The following USP47 variants were observed in gnomAD, a reference collection of about 807,000 sequenced individuals.
USP47 encodes ubiquitin specific peptidase 47, also known as ubiquitin carboxyl-terminal hydrolase 47.
In USP47, 35 loss-of-function variants were observed where a neutral mutation model predicts 165.1. That is an observed-to-expected ratio of 0.21 (90% CI 0.16 to 0.28). USP47 has a LOEUF of 0.28. Among genes scored for constraint, USP47 ranks in the 10% least tolerant of loss-of-function variants. USP47 has a pLI of 1.00. For synonymous variants in USP47, 531 were observed against 544.5 expected (o/e 0.98, Z 0.35); for missense variants, 1,277 against 1,607.4 (o/e 0.79, Z 3.52).
intron 11 of USP47, among the ~76,000 whole-genome samples, chr11:11,927,868 T>C (rs1668729794): frequency 6.6e-6 from 1 of 152,112 alleles, no homozygotes; most frequent in African/African-American, 2.4e-5. Context: ...TTCCTACTTT[T>C]TGGCAATGTA....
chr11:11,932,052 G>T (rs1461405815), intron 14 of USP47, among the ~76,000 whole-genome samples: 4 of 152,132 alleles, frequency 2.6e-5, no homozygotes, highest in Non-Finnish European at 4.4e-5. Context: ...AGTTCTGCAG[G>T]CTTTGCAGGA....
intron 1 of USP47, among the ~76,000 whole-genome samples, chr11:11,875,722 G>A (rs921052531): frequency 1.3e-5 from 2 of 152,064 alleles, no homozygotes; most frequent in African/African-American, 4.8e-5. Context: ...TCCTGCTTCT[G>A]CCTTCCAAGT....
intron 24 of USP47, chr11:11,952,113 G>T (rs537974704): frequency 6.6e-6 from 1 of 152,338 alleles, no homozygotes; most frequent in East Asian, 1.9e-4. Flanking sequence ...ACAAAAATGA[G>T]TAAGAACCAC....
intron 7 of USP47, 96 bp downstream of exon 7, chr11:11,903,438 G>A: frequency 1.7e-6 from 2 of 1,168,160 alleles, no homozygotes; most frequent in Non-Finnish European, 2.4e-6. Flanking sequence ...TAAAACTTGG[G>A]CATTAGTCTC....
chr11:11,885,068 C>T (rs944520437), intron 3 of USP47, among the ~76,000 whole-genome samples: 11 of 152,154 alleles, frequency 7.2e-5, no homozygotes, highest in African/African-American at 2.7e-4. Context: ...CACTTCTATT[C>T]TTTTAATGTT....
In USP47 at chr11:11,900,353, G is replaced by A. The variant is rs201967978; in HGVS notation, c.594-2362G>A. Among the ~76,000 whole-genome samples the A allele has an allele frequency of 1.9e-4, 29 of 151,838 alleles. 1 individual carries two copies. The East Asian group carries it at 5.3e-3, about 27-fold the overall frequency. ...TTTTTTGTATTTTTAGTAGAGATGG[G>A]GTTTCACCGTGTTAGCCAGGATGGT... On this transcript the variant is annotated intron_variant, in intron 5 of 27. Coordinates refer to ENST00000527733, the MANE Select transcript of USP47 (RefSeq NM_001282659.2).
chr11:11,907,524 C>T (rs1852648721), intron 8 of USP47, among the ~76,000 whole-genome samples: 1 of 152,150 alleles, frequency 6.6e-6, no homozygotes, highest in Non-Finnish European at 1.5e-5. Context: ...TATAACCTAA[C>T]TCTTCTTAGT....
chr11:11,897,544 G>A, intron 4 of USP47, 53 bp from the exon 5 acceptor site: 2 of 1,287,500 alleles, frequency 1.6e-6, no homozygotes, highest in Non-Finnish European at 2.2e-6. Context: ...TTATGTTTTT[G>A]TTATTTTTAA....
At chr11:11,875,552 T>C (rs375169014) in intron 1 of USP47, among the ~76,000 whole-genome samples, 6 of 152,324 alleles carry the variant, frequency 3.9e-5, no homozygotes, top group African/African-American at 1.4e-4. Context: ...TTTTCAGTGC[T>C]TTTTATCCCA....
At chr11:11,948,311 C>A in intron 21 of USP47, 167 bp from the exon 22 acceptor site, 1 of 835,440 alleles carries the variant, frequency 1.2e-6, no homozygotes, top group Non-Finnish European at 1.8e-6. Context: ...GAAATGTTAG[C>A]TGTGTGTCAG....
chr11:11,888,181 A>G (rs61870722), intron 3 of USP47, among the ~76,000 whole-genome samples: 2,567 of 152,298 alleles, frequency 0.017, 33 homozygotes, highest in Middle Eastern at 0.034. Flanking sequence ...AACAAACCCC[A>G]AAGCTAGCAG....
intron 11 of USP47, among the ~76,000 whole-genome samples, chr11:11,925,647 T>A (rs1419306809): frequency 6.6e-6 from 1 of 150,740 alleles, no homozygotes; most frequent in Non-Finnish European, 1.5e-5. Flanking sequence ...TTTTTTTTTA[T>A]GCGGAATCTT....
At chr11:11,905,950 G>A (rs1852533174) in intron 8 of USP47, among the ~76,000 whole-genome samples, 1 of 151,896 alleles carries the variant, frequency 6.6e-6, no homozygotes, top group Admixed American at 6.6e-5. Flanking sequence ...ATTGGTAAAA[G>A]CACCTCTGGT....
chr11:11,927,024 A>G (rs905542547), intron 11 of USP47, among the ~76,000 whole-genome samples: 3 of 118,464 alleles, frequency 2.5e-5, no homozygotes, highest in African/African-American at 7.9e-5. Flanking sequence ...TCCTTTTGCT[A>G]TTGATTTCTA....
Position 11,948,052 on chromosome 11 carries a change from G to A in USP47, c.3199G>A (p.Ala1067Thr), listed in dbSNP as rs1855962470. The change falls in exon 21 of 28, where the codon GCC (alanine) becomes ACC (threonine). Residue 1067 changes from alanine to threonine, a missense_variant. Ala to Thr is a moderately conservative substitution (Grantham distance 58, BLOSUM62 0). This residue lies in a region of USP47 where 909 missense variants were observed against 1,068.1 expected (regional missense o/e 0.85). Transcript: ENST00000527733. Reference sequence around the variant, plus strand: ...TCACTTCAAGGTCTTTCGAGTGTATGCCAGCAATCAAGAGTTTGAGAGCGT... The same window carrying A: ...TCACTTCAAGGTCTTTCGAGTGTATACCAGCAATCAAGAGTTTGAGAGCGT... ...SSHFKVFRVY[A>T]SNQEFESVRL... 1 of 1,613,752 alleles carries A rather than the reference G, an allele frequency of 6.2e-7. No homozygotes were observed. The highest frequency in any genetic ancestry group is 8.5e-7 in the Non-Finnish European group (1 of 1,179,856).
intron 5 of USP47, among the ~76,000 whole-genome samples, chr11:11,897,949 T>C (rs1354760202): frequency 6.6e-6 from 1 of 152,096 alleles, no homozygotes; most frequent in East Asian, 1.9e-4. Context: ...GTAAAAAGCT[T>C]CCCTCTCTTG....
At chr11:11,947,283 G>T (rs1855904553) in intron 20 of USP47, among the ~76,000 whole-genome samples, 1 of 152,142 alleles carries the variant, frequency 6.6e-6, no homozygotes, top group Admixed American at 6.6e-5. Flanking sequence ...TTAAATTTAA[G>T]CCGGGAAGAG....
intron 20 of USP47, among the ~76,000 whole-genome samples, chr11:11,947,042 A>C (rs1855892196): frequency 6.6e-6 from 1 of 152,158 alleles, no homozygotes; most frequent in African/African-American, 2.4e-5. Context: ...ACATGGAGGG[A>C]GCCTTAGAGC....
rs1021771179 is a variant in USP47, at chr11:11,955,954, G to A, written c.3894-47G>A. 2.1e-6 allele frequency: 3 copies of A among 1,423,212 alleles called. No homozygotes were observed. In the South Asian group the frequency reaches 4.3e-5, roughly 20 times the overall value. 88.2% of individuals were successfully genotyped at this position (1,423,212 alleles called of 1,614,324 possible). On this transcript the variant is annotated intron_variant, in intron 27 of 27. Coordinates refer to ENST00000527733, the MANE Select transcript of USP47 (RefSeq NM_001282659.2). ...AGCATTCAAGCATACATTAATAGAG[G>A]TGGAGGGCTCTACTGGACTAATATG...
Sources: allele counts gnomAD v4.1 joint callset (sites outside exome capture counted in the v4.1 genomes callset), GRCh38; gene constraint gnomAD v4.1.1; regional missense constraint gnomAD v4.1.1; transcripts MANE v1.5; gene names NCBI Gene and HGNC (gene_info 2026-07-23, HGNC 2026-07-21).